INPP4B: variants seen among roughly 807,000 people sequenced by gnomAD.
The protein encoded by INPP4B is inositol polyphosphate-4-phosphatase type II B, also known as inositol polyphosphate 4-phosphatase type II.
Under a neutral mutation model 122.5 loss-of-function variants are expected in INPP4B, and 55 were observed. The ratio of observed to expected loss-of-function variants is 0.45; its 90% CI spans 0.36 to 0.56. The LOEUF is 0.56. Ranked by LOEUF, INPP4B falls within the 20% of genes least tolerant of loss-of-function variation. The pLI is 0.00. For missense variants in INPP4B, 1,000 were observed against 1,097.7 expected (o/e 0.91, Z 1.26); for synonymous variants, 403 against 388.7 (o/e 1.04, Z -0.43).
chr4:142,224,640 T>C (rs1194816309), intron 12 of INPP4B, among the ~76,000 whole-genome samples: 4 of 152,148 alleles, frequency 2.6e-5, no homozygotes, highest in Admixed American at 6.5e-5. Flanking sequence ...GGCCATCTTC[T>C]TCATATATAA....
chr4:142,141,655 T>C (rs4956435), intron 18 of INPP4B, among the ~76,000 whole-genome samples: 17,797 of 152,070 alleles, frequency 0.12, 1,604 homozygotes, highest in African/African-American at 0.25. Flanking sequence ...TGTAAAACCT[T>C]GGTTCTCAAA....
chr4:142,640,571 A>G (rs1251055581), intron 2 of INPP4B, among the ~76,000 whole-genome samples: 1 of 152,100 alleles, frequency 6.6e-6, no homozygotes, highest in Admixed American at 6.6e-5. Context: ...AAAGGGAAAA[A>G]TTCCTTACAA....
At chr4:142,649,611 A>G (rs1304074372) in intron 2 of INPP4B, among the ~76,000 whole-genome samples, 1 of 152,242 alleles carries the variant, frequency 6.6e-6, no homozygotes, top group Non-Finnish European at 1.5e-5. Flanking sequence ...AAGAAAGAGT[A>G]TCAGTGATTG....
At chr4:142,123,535 A>G in intron 19 of INPP4B, 120 bp from the exon 20 acceptor site, 3 of 914,316 alleles carry the variant, frequency 3.3e-6, no homozygotes, top group Non-Finnish European at 4.8e-6. Flanking sequence ...TAACAAAACT[A>G]CAACTATTTG....
chr4:142,187,002 C>A (rs537180532), intron 15 of INPP4B, among the ~76,000 whole-genome samples: 1 of 152,060 alleles, frequency 6.6e-6, no homozygotes, highest in South Asian at 2.1e-4. Context: ...ACCTGGTGGG[C>A]AGTTTTGGCA....
At chr4:142,356,237 G>A (rs927874095) in intron 7 of INPP4B, among the ~76,000 whole-genome samples, 2 of 147,150 alleles carry the variant, frequency 1.4e-5, no homozygotes, top group South Asian at 4.5e-4. Flanking sequence ...CTTTTGCCAG[G>A]GGAGAAAGGC....
intron 10 of INPP4B, among the ~76,000 whole-genome samples, chr4:142,268,627 GA>G (rs1406538865): frequency 6.6e-6 from 1 of 151,974 alleles, no homozygotes; most frequent in African/African-American, 2.4e-5. Flanking sequence ...CAGATGAATG[GA>G]AAAAGGAAAT....
chr4:142,263,639 A>AATAAATATATAT (rs1741235522), intron 10 of INPP4B, among the ~76,000 whole-genome samples: 1 of 41,808 alleles, frequency 2.4e-5, no homozygotes, highest in East Asian at 1.3e-3. Context: ...AAATTCGTAA[A>AATAAATATATAT]ATATATATAT....
At chr4:142,400,746 C>T (rs145984514) in intron 7 of INPP4B, among the ~76,000 whole-genome samples, 129 of 152,244 alleles carry the variant, frequency 8.5e-4, no homozygotes, top group African/African-American at 2.8e-3. Flanking sequence ...CATACTTTTA[C>T]GCCATAACAC....
At chr4:142,622,361 C>G (rs746239509) in intron 2 of INPP4B, among the ~76,000 whole-genome samples, 1 of 151,822 alleles carries the variant, frequency 6.6e-6, no homozygotes, top group Non-Finnish European at 1.5e-5. Context: ...TAACCTCTCT[C>G]CAGGGTCCTG....
At chr4:142,231,968 T>C (rs1854570812) in intron 12 of INPP4B, among the ~76,000 whole-genome samples, 1 of 152,176 alleles carries the variant, frequency 6.6e-6, no homozygotes, top group Non-Finnish European at 1.5e-5. Flanking sequence ...AGGCCTGCTT[T>C]TGTCAATAAA....
chr4:142,607,786 A>T (rs1741592040), intron 2 of INPP4B, among the ~76,000 whole-genome samples: 1 of 152,186 alleles, frequency 6.6e-6, no homozygotes, highest in Admixed American at 6.6e-5. Flanking sequence ...GAACACTTAT[A>T]GCTTCCAGGA....
chr4:142,685,062 CCT>C (rs547940602), intron 2 of INPP4B, among the ~76,000 whole-genome samples: 15 of 152,118 alleles, frequency 9.9e-5, no homozygotes, highest in Non-Finnish European at 2.1e-4. Flanking sequence ...GACATTATTC[CCT>C]GATTCAGACT....
At chr4:142,069,370 A>G (rs1765601699) in intron 25 of INPP4B, among the ~76,000 whole-genome samples, 1 of 152,250 alleles carries the variant, frequency 6.6e-6, no homozygotes, top group Non-Finnish European at 1.5e-5. Context: ...AATGCCCACA[A>G]GAGAAAGCAG....
intron 2 of INPP4B, among the ~76,000 whole-genome samples, chr4:142,534,686 T>A (rs933052268): frequency 6.7e-5 from 10 of 150,344 alleles, no homozygotes; most frequent in African/African-American, 1.9e-4. Flanking sequence ...ATAATTATAA[T>A]AAATATTTAA....
At chr4:142,248,168 T>G (rs1303539002) in intron 11 of INPP4B, among the ~76,000 whole-genome samples, 1 of 152,086 alleles carries the variant, frequency 6.6e-6, no homozygotes, top group Non-Finnish European at 1.5e-5. Context: ...GTTAGCTCTG[T>G]GCATTTTTCC....
intron 7 of INPP4B, among the ~76,000 whole-genome samples, chr4:142,391,822 C>A (rs1797786467): frequency 6.6e-6 from 1 of 152,122 alleles, no homozygotes; most frequent in Non-Finnish European, 1.5e-5. Flanking sequence ...AGAAAACAAT[C>A]AAAGCTTCAG....
intron 1 of INPP4B, among the ~76,000 whole-genome samples, chr4:142,825,424 C>A (rs1781336298): frequency 6.6e-6 from 1 of 152,074 alleles, no homozygotes; most frequent in Non-Finnish European, 1.5e-5. Context: ...TGTTTTCTTT[C>A]TAAACTTTCT....
chr4:142,602,313 T>C (rs907221919), intron 2 of INPP4B, among the ~76,000 whole-genome samples: 2 of 151,946 alleles, frequency 1.3e-5, no homozygotes, highest in Non-Finnish European at 2.9e-5. Context: ...AACAAACCAC[T>C]ACTCAAAGAA....
Sources: allele counts gnomAD v4.1 joint callset (sites outside exome capture counted in the v4.1 genomes callset), GRCh38; gene constraint gnomAD v4.1.1; transcripts MANE v1.5; gene names NCBI Gene and HGNC (gene_info 2026-07-23, HGNC 2026-07-21).